The following CRTC1 variants were observed in gnomAD, a reference collection of about 807,000 sequenced individuals.
CRTC1 encodes CREB regulated transcription coactivator 1, also known as CREB-regulated transcription coactivator 1.
A neutral mutation model predicts 66.1 loss-of-function variants in CRTC1; 18 were observed. The ratio of observed to expected loss-of-function variants is 0.27; its 90% CI spans 0.19 to 0.40. The LOEUF is 0.40. Ranked by LOEUF, CRTC1 falls within the 10% of genes least tolerant of loss-of-function variation. The pLI, the probability that CRTC1 is intolerant of heterozygous loss-of-function variation, is 1.00. For missense variants in CRTC1, 669 were observed against 887.9 expected (o/e 0.75, Z 3.13); for synonymous variants, 416 against 398.8 (o/e 1.04, Z -0.51).
intron 8 of CRTC1, among the ~76,000 whole-genome samples, chr19:18,762,210 C>T (rs918298003): frequency 4.6e-5 from 7 of 152,234 alleles, no homozygotes; most frequent in East Asian, 1.9e-4. Flanking sequence ...AGGTCCCCAG[C>T]GCCCGCCCGG....
chr19:18,779,599 G>A lies in CRTC1; in HGVS notation c.*2217G>A, dbSNP rs538704609. On this transcript the variant is annotated 3_prime_UTR_variant, in exon 14 of 14. Coordinates refer to ENST00000321949, the MANE Select transcript of CRTC1 (RefSeq NM_015321.3). The stretch of plus-strand genomic sequence containing the variant: ...TGCGGTTTTCAAAAGAAGGCATTGA[G>A]GACCATGCTAGGAAACCTCATACCC... The A allele has an allele frequency of 1.4e-5, 3 of 221,554 alleles. No individual in the cohort carries two copies. In the East Asian group the frequency reaches 2.0e-4, roughly 15 times the overall value. The allele number at this position is 221,554 out of a possible 1,614,324, so 13.7% of individuals were successfully genotyped here. A position where few individuals can be genotyped will look rare whatever the true frequency, so the allele number is the denominator to read the frequency against.
chr19:18,730,336 C>CA (rs1166894730), intron 1 of CRTC1, among the ~76,000 whole-genome samples: 2 of 152,100 alleles, frequency 1.3e-5, no homozygotes, highest in Admixed American at 1.3e-4. Context: ...GCCTGGTGAA[C>CA]ACCGAGCCCC....
chr19:18,752,357 C>G (rs1016820657), intron 5 of CRTC1, among the ~76,000 whole-genome samples: 1 of 152,096 alleles, frequency 6.6e-6, no homozygotes, highest in African/African-American at 2.4e-5. Flanking sequence ...CTTGCTCTGT[C>G]ACACAGGCTG....
In CRTC1 at chr19:18,778,033, C is replaced by T. The variant is rs529764882; in HGVS notation, c.*651C>T. The T allele has an allele frequency of 7.7e-5, 18 of 234,198 alleles. No homozygotes were observed. In the East Asian group the frequency reaches 7.9e-4, roughly 10 times the overall value. 14.5% of individuals were successfully genotyped at this position (234,198 alleles called of 1,614,324 possible). A position where few individuals can be genotyped will look rare whatever the true frequency, so the allele number is the denominator to read the frequency against. ...AAAGTGGACAGAGCATGCAGGGCGGCGGACCCCCCCACGACCCTCCTCGCC... is the reference window on the plus strand; with the variant it reads ...AAAGTGGACAGAGCATGCAGGGCGGTGGACCCCCCCACGACCCTCCTCGCC... On this transcript the variant is annotated 3_prime_UTR_variant, in exon 14 of 14. Coordinates refer to ENST00000321949, the MANE Select transcript of CRTC1 (RefSeq NM_015321.3).
At chr19:18,736,219 C>T (rs986420815) in intron 1 of CRTC1, among the ~76,000 whole-genome samples, 6 of 152,178 alleles carry the variant, frequency 3.9e-5, no homozygotes, top group Admixed American at 3.9e-4. Flanking sequence ...GCCCAGGCCT[C>T]CTGCCTTCAT....
chr19:18,705,438 C>T (rs2053240830), intron 1 of CRTC1, among the ~76,000 whole-genome samples: 1 of 152,186 alleles, frequency 6.6e-6, no homozygotes. Context: ...CTGCCTCAGC[C>T]TCCCGAGTAG....
chr19:18,740,756 C>T (rs1050443230), intron 1 of CRTC1, among the ~76,000 whole-genome samples: 1 of 152,150 alleles, frequency 6.6e-6, no homozygotes, highest in Non-Finnish European at 1.5e-5. Flanking sequence ...GTAATCCCAA[C>T]ACTTTGGGAG....
At chr19:18,702,533 CTTT>C (rs34068358) in intron 1 of CRTC1, among the ~76,000 whole-genome samples, 6 of 128,200 alleles carry the variant, frequency 4.7e-5, no homozygotes, top group Admixed American at 8.0e-5. Context: ...AGGGGATAGT[CTTT>C]TTTTTTTTTT....
rs891708056 is a variant in CRTC1, at chr19:18,779,566, C to T, written c.*2184C>T. The T allele has an allele frequency of 2.3e-5, 5 of 219,168 alleles. No individual in the cohort carries two copies. Among genetic ancestry groups the T allele is most frequent in the Non-Finnish European group, 3.7e-5 (4 of 109,446 alleles). 13.6% of individuals were successfully genotyped at this position (219,168 alleles called of 1,614,324 possible). A position where few individuals can be genotyped will look rare whatever the true frequency, so the allele number is the denominator to read the frequency against. On this transcript the variant is annotated 3_prime_UTR_variant, in exon 14 of 14. Coordinates refer to ENST00000321949, the MANE Select transcript of CRTC1 (RefSeq NM_015321.3). ...GGCCTTAATAAAATTACAAGCAACC[C>T]GCCTGGATGCGGTTTTCAAAAGAAG...
chr19:18,779,531 A>T lies in CRTC1; in HGVS notation c.*2149A>T, dbSNP rs938342456. On this transcript the variant is annotated 3_prime_UTR_variant, in exon 14 of 14. Coordinates refer to ENST00000321949, the MANE Select transcript of CRTC1 (RefSeq NM_015321.3). Reference sequence around the variant, plus strand: ...ACCATTAGACTTGTATGTAGGACTTAAAAAAAAATGGCCTTAATAAAATTA... The same window carrying T: ...ACCATTAGACTTGTATGTAGGACTTTAAAAAAAATGGCCTTAATAAAATTA... The T allele has an allele frequency of 1.3e-4, 25 of 186,836 alleles. No homozygotes were observed. The highest frequency in any genetic ancestry group is 7.8e-4 in the African/African-American group (22 of 28,044). The allele number at this position is 186,836 out of a possible 1,614,324, so 11.6% of individuals were successfully genotyped here. A position where few individuals can be genotyped will look rare whatever the true frequency, so the allele number is the denominator to read the frequency against.
intron 1 of CRTC1, among the ~76,000 whole-genome samples, chr19:18,686,953 T>C (rs1249491442): frequency 6.7e-6 from 1 of 150,198 alleles, no homozygotes; most frequent in Non-Finnish European, 1.5e-5. Flanking sequence ...GTGCACAGGA[T>C]GGCCCCATCG....
At chr19:18,710,074 C>T (rs1191797167) in intron 1 of CRTC1, among the ~76,000 whole-genome samples, 2 of 151,628 alleles carry the variant, frequency 1.3e-5, no homozygotes, top group African/African-American at 4.8e-5. Flanking sequence ...GTCATGGTCA[C>T]TCTGTGACCC....
At chr19:18,692,049 G>A (rs906847953) in intron 1 of CRTC1, among the ~76,000 whole-genome samples, 1 of 152,048 alleles carries the variant, frequency 6.6e-6, no homozygotes, top group East Asian at 1.9e-4. Flanking sequence ...ATCCATACCC[G>A]AACACTGAGC....
chr19:18,762,367 T>C (rs2054633546), intron 8 of CRTC1, among the ~76,000 whole-genome samples: 1 of 152,200 alleles, frequency 6.6e-6, no homozygotes, highest in East Asian at 1.9e-4. Flanking sequence ...CCCAAGCAGC[T>C]CGCCTGGCAG....
intron 6 of CRTC1, among the ~76,000 whole-genome samples, chr19:18,758,342 A>T (rs2054538321): frequency 6.6e-6 from 1 of 151,132 alleles, no homozygotes; most frequent in Non-Finnish European, 1.5e-5. Context: ...CCTGAGAGAC[A>T]GAGTGAGACT....
chr19:18,735,403 G>A (rs962156762), intron 1 of CRTC1, among the ~76,000 whole-genome samples: 23 of 152,192 alleles, frequency 1.5e-4, no homozygotes, highest in Admixed American at 1.5e-3. Context: ...GTGACAAGGG[G>A]ACCCCCCGGG....
chr19:18,763,544 G>A (rs1393423724), intron 8 of CRTC1, among the ~76,000 whole-genome samples: 1 of 152,196 alleles, frequency 6.6e-6, no homozygotes, highest in African/African-American at 2.4e-5. Context: ...GAAATCGCCG[G>A]ACAACGCGTT....
rs543505709 is a variant in CRTC1, at chr19:18,762,127, C to T, written c.886+1899C>T. ...CGCATAGAAGCCACCATCTCCCAGC[C>T]CCTGCTTTTCCCCTCACATCTCTTC... On this transcript the variant is annotated intron_variant, in intron 8 of 13. Coordinates refer to ENST00000321949, the MANE Select transcript of CRTC1 (RefSeq NM_015321.3). Among the ~76,000 whole-genome samples the T allele has an allele frequency of 7.9e-5, 12 of 152,332 alleles. No individual in the cohort carries two copies. In the East Asian group the frequency reaches 2.3e-3, roughly 29 times the overall value.
chr19:18,700,918 TTC>T (rs551165181), intron 1 of CRTC1, among the ~76,000 whole-genome samples: 169 of 152,354 alleles, frequency 1.1e-3, no homozygotes, highest in African/African-American at 3.9e-3. Context: ...ATTGAGTCCT[TTC>T]GCATCTGTGC....
Sources: allele counts gnomAD v4.1 joint callset (sites outside exome capture counted in the v4.1 genomes callset), GRCh38; gene constraint gnomAD v4.1.1; transcripts MANE v1.5; gene names NCBI Gene and HGNC (gene_info 2026-07-23, HGNC 2026-07-21).